The following DPP6 variants were observed in gnomAD, a reference collection of about 807,000 sequenced individuals.
DPP6 encodes the protein A-type potassium channel modulatory protein DPP6.
A neutral mutation model predicts 122.6 loss-of-function variants in DPP6; 69 were observed. The observed-to-expected ratio is 0.56, with a 90% CI of 0.46 to 0.69. The LOEUF (loss-of-function observed/expected upper bound fraction) is 0.69. Ranked by LOEUF, DPP6 falls within the 30% of genes least tolerant of loss-of-function variation. The pLI is 0.00. For synonymous variants in DPP6, 418 were observed against 433.1 expected (o/e 0.97, Z 0.43); for missense variants, 928 against 1,116.9 (o/e 0.83, Z 2.41).
intron 1 of DPP6, among the ~76,000 whole-genome samples, chr7:154,326,074 C>T (rs981506810): frequency 6.6e-6 from 1 of 152,178 alleles, no homozygotes; most frequent in Non-Finnish European, 1.5e-5. Context: ...TACCTCCTTG[C>T]CTTTAGGAAA....
intron 1 of DPP6, among the ~76,000 whole-genome samples, chr7:154,105,940 C>G (rs1048549156): frequency 6.7e-6 from 1 of 149,270 alleles, no homozygotes; most frequent in Non-Finnish European, 1.5e-5. Flanking sequence ...GGCATGGCCC[C>G]GACTCGCTTT....
intron 6 of DPP6, among the ~76,000 whole-genome samples, chr7:154,647,412 G>A (rs1364092314): frequency 6.6e-6 from 1 of 152,168 alleles, no homozygotes; most frequent in Non-Finnish European, 1.5e-5. Flanking sequence ...AAGAAACTTG[G>A]AGAAATAAGG....
At chr7:153,926,441 C>T (rs1009264930) in intron 1 of DPP6, among the ~76,000 whole-genome samples, 11 of 152,170 alleles carry the variant, frequency 7.2e-5, no homozygotes, top group African/African-American at 2.4e-4. Context: ...GATGTCAGCC[C>T]TCATGCCTTT....
chr7:154,020,626 T>C (rs1050120205), intron 1 of DPP6, among the ~76,000 whole-genome samples: 1 of 152,194 alleles, frequency 6.6e-6, no homozygotes, highest in African/African-American at 2.4e-5. Flanking sequence ...GTCTCTAGCA[T>C]GATGTTCAAG....
At chr7:153,993,535 C>T (rs1443820772) in intron 1 of DPP6, among the ~76,000 whole-genome samples, 1 of 152,236 alleles carries the variant, frequency 6.6e-6, no homozygotes, top group Non-Finnish European at 1.5e-5. Flanking sequence ...CAAACCACAG[C>T]TGGTTACTGT....
chr7:154,814,352 A>T (rs564188313), intron 16 of DPP6, among the ~76,000 whole-genome samples: 1 of 152,094 alleles, frequency 6.6e-6, no homozygotes, highest in Non-Finnish European at 1.5e-5. Flanking sequence ...ACCCCTATAC[A>T]TTCTCCAAGA....
In DPP6 at chr7:154,624,845, A is replaced by G. The variant is rs1834964671; in HGVS notation, c.628-12976A>G. 6.6e-6 allele frequency among the ~76,000 whole-genome samples: 1 copy of G among 152,196 alleles called. No homozygotes were observed. The highest frequency in any genetic ancestry group is 1.5e-5 in the Non-Finnish European group (1 of 68,038). ...GCTATGCTAACAGAAGCAGGCACAC[A>G]GCGGCCCCGTCTTCCTCCCATCTGT... On this transcript the variant is annotated intron_variant, in intron 5 of 25. Transcript: ENST00000377770. The surrounding 1 kb of genome is among the most constrained non-coding windows in gnomAD (Gnocchi z 4.7).
chr7:154,532,014 A>T (rs1827875654), intron 3 of DPP6, among the ~76,000 whole-genome samples: 1 of 152,118 alleles, frequency 6.6e-6, no homozygotes, highest in African/African-American at 2.4e-5. Flanking sequence ...TTAGAAAACA[A>T]ACAAACAAAT....
intron 4 of DPP6, among the ~76,000 whole-genome samples, chr7:154,541,704 G>A (rs939902586): frequency 2.0e-5 from 3 of 152,180 alleles, no homozygotes; most frequent in African/African-American, 4.8e-5. Context: ...TGTGAATCCC[G>A]TTAAAGCGAT....
chr7:154,449,481 C>T (rs1047757015), intron 2 of DPP6, among the ~76,000 whole-genome samples: 3 of 152,090 alleles, frequency 2.0e-5, no homozygotes, highest in Non-Finnish European at 4.4e-5. Flanking sequence ...TCTTACATTA[C>T]TAGTAGAAAG....
At chr7:154,436,325 C>T (rs983871203) in intron 1 of DPP6, among the ~76,000 whole-genome samples, 4 of 151,660 alleles carry the variant, frequency 2.6e-5, no homozygotes, top group Admixed American at 1.3e-4. Context: ...CTGGTCACCA[C>T]CTCCTTCCTG....
intron 1 of DPP6, among the ~76,000 whole-genome samples, chr7:154,064,224 C>T (rs1462206102): frequency 6.6e-6 from 1 of 152,180 alleles, no homozygotes; most frequent in Non-Finnish European, 1.5e-5. Flanking sequence ...ACCTCCTGGT[C>T]TTGATTGTTG....
At chr7:154,193,187 A>G (rs1228766528) in intron 1 of DPP6, among the ~76,000 whole-genome samples, 1 of 152,244 alleles carries the variant, frequency 6.6e-6, no homozygotes, top group African/African-American at 2.4e-5. Flanking sequence ...TGATTTTGCT[A>G]TAAATAAAAA....
intron 17 of DPP6, among the ~76,000 whole-genome samples, chr7:154,856,407 T>C (rs560627718): frequency 6.4e-4 from 97 of 152,266 alleles, no homozygotes; most frequent in Non-Finnish European, 1.2e-3. Flanking sequence ...CATGTGTGAG[T>C]GAAAATGAAG....
chr7:154,172,148 C>CCCTG (rs10644496), intron 1 of DPP6, among the ~76,000 whole-genome samples: 4,218 of 150,724 alleles, frequency 0.028, 185 homozygotes, highest in African/African-American at 0.098. Flanking sequence ...CTTCCTTCTT[C>CCCTG]CCTGCCTGCC....
At chr7:154,563,939 A>G (rs2130503601) in intron 4 of DPP6, among the ~76,000 whole-genome samples, 1 of 152,266 alleles carries the variant, frequency 6.6e-6, no homozygotes, top group Middle Eastern at 3.4e-3. Context: ...ACTGGATAAC[A>G]CCACCTAGGA....
At chr7:154,467,837 C>T (rs1331416887) in intron 2 of DPP6, among the ~76,000 whole-genome samples, 2 of 152,132 alleles carry the variant, frequency 1.3e-5, no homozygotes, top group African/African-American at 4.8e-5. Flanking sequence ...CTATGTTTGC[C>T]TTCTGCTGAG....
chr7:153,822,990 G>A, the DPP6 span, among the ~76,000 whole-genome samples: 2 of 152,054 alleles, frequency 1.3e-5, no homozygotes, highest in African/African-American at 4.8e-5. Flanking sequence ...CTTTAGGAAA[G>A]CTTCACTCAA....
At chr7:154,619,062 T>C (rs1834460509) in intron 5 of DPP6, among the ~76,000 whole-genome samples, 1 of 152,212 alleles carries the variant, frequency 6.6e-6, no homozygotes, top group African/African-American at 2.4e-5. Flanking sequence ...CCTGCTGCCA[T>C]GTAAGATGTG....
Sources: allele counts gnomAD v4.1 joint callset (sites outside exome capture counted in the v4.1 genomes callset), GRCh38; gene constraint gnomAD v4.1.1; non-coding constraint Gnocchi (gnomAD v3.1); transcripts MANE v1.5; gene names NCBI Gene and HGNC (gene_info 2026-07-23, HGNC 2026-07-21).